BRD3: variants seen among roughly 807,000 people sequenced by gnomAD.
BRD3 encodes bromodomain-containing protein 3.
In BRD3, 17 loss-of-function variants were observed where a neutral mutation model predicts 66.8. The observed-to-expected ratio is 0.25, with a 90% CI of 0.17 to 0.38. The LOEUF (loss-of-function observed/expected upper bound fraction) is 0.38, where lower values mean the gene tolerates loss of function less well. Among genes scored for constraint, BRD3 ranks in the 10% least tolerant of loss-of-function variants. BRD3 has a pLI of 1.00. For missense variants in BRD3, 713 were observed against 956.1 expected, an observed-to-expected ratio of 0.75 and a Z score of 3.35; for synonymous variants, 421 against 393.2, an observed-to-expected ratio of 1.07 and a Z score of -0.84.
In BRD3 at chr9:134,033,473, G is replaced by T; in HGVS notation, c.*117C>A. On this transcript the variant is annotated 3_prime_UTR_variant, in exon 12 of 12. Coordinates refer to ENST00000303407, the MANE Select transcript of BRD3 (RefSeq NM_007371.4). The surrounding 1 kb of genome is among the most constrained non-coding windows in gnomAD (Gnocchi z 5.1). The stretch of plus-strand genomic sequence containing the variant: ...AAAAACTGGAAGATATCATAACACT[G>T]AATTAAGAAGCAGACCTGCACACCA... 1.7e-6 allele frequency: 1 copy of T among 601,220 alleles called. No homozygotes were observed. The highest frequency in any genetic ancestry group is 3.0e-6 in the Non-Finnish European group (1 of 329,676). The allele number at this position is 601,220 out of a possible 1,614,324, so 37.2% of individuals were successfully genotyped here. A position where few individuals can be genotyped will look rare whatever the true frequency, so the allele number is the denominator to read the frequency against.
chr9:134,047,346 G>C (rs1828565932), intron 6 of BRD3, among the ~76,000 whole-genome samples: 1 of 152,222 alleles, frequency 6.6e-6, no homozygotes. Context: ...ACGTCCCTGG[G>C]AGCTGGCTTG....
At chr9:134,056,078 A>G (rs1359130741) in intron 1 of BRD3, 3 of 152,284 alleles carry the variant, frequency 2.0e-5, no homozygotes, top group Admixed American at 6.5e-5. Flanking sequence ...AGCAAGGCAG[A>G]AGGAGGGGCG....
At chr9:134,053,796 A>G in intron 1 of BRD3, 1 of 357,762 alleles carries the variant, frequency 2.8e-6, no homozygotes, top group Non-Finnish European at 5.0e-6. Flanking sequence ...CGACTCTCCA[A>G]CCACTGCTCT....
In BRD3 at chr9:134,040,185, C is replaced by CCTTCTCCTT. The variant is rs760373011; in HGVS notation, c.1483_1491dup (p.Lys495_Lys497dup). On this transcript the variant is annotated inframe_insertion, in exon 9 of 12. Transcript: ENST00000303407. The stretch of plus-strand genomic sequence containing the variant: ...TTCTCCTTGTCCTTCTTCTTCTTCT[C>CCTTCTCCTT]CTTCTCCTTCTTCTCCTTCTTCTTC... 4 of 1,568,180 alleles carry CCTTCTCCTT rather than the reference C, an allele frequency of 2.6e-6. No homozygotes were observed. The highest frequency in any genetic ancestry group is 2.7e-5 in the African/African-American group (2 of 74,000).
chr9:134,060,332 C>G (rs1830510916), intron 1 of BRD3, among the ~76,000 whole-genome samples: 1 of 152,226 alleles, frequency 6.6e-6, no homozygotes, highest in African/African-American at 2.4e-5. Flanking sequence ...CGCAGTGACT[C>G]AGGCCTGTGA....
Position 134,045,197 on chromosome 9 carries a change from C to T in BRD3, c.1215+96G>A, listed in dbSNP as rs961555513. ...GAATGAGGCTCTCTAAGGCCTTCCT[C>T]GGCTGGACATTCACCTGGGCGCTTA... On this transcript the variant is annotated intron_variant, in intron 7 of 11. Coordinates refer to ENST00000303407, the MANE Select transcript of BRD3 (RefSeq NM_007371.4). The surrounding 1 kb of genome is among the most constrained non-coding windows in gnomAD (Gnocchi z 4.8). 5.9e-6 allele frequency: 9 copies of T among 1,518,836 alleles called. No individual in the cohort carries two copies. Among genetic ancestry groups the T allele is most frequent in the South Asian group, 2.4e-5 (2 of 82,240 alleles). The allele number at this position is 1,518,836 out of a possible 1,614,324, so 94.1% of individuals were successfully genotyped here.
chr9:134,052,796 C>T (rs561759057), intron 2 of BRD3, among the ~76,000 whole-genome samples: 1 of 152,334 alleles, frequency 6.6e-6, no homozygotes, highest in African/African-American at 2.4e-5. Flanking sequence ...AGTGCCAGCC[C>T]AGGGATTCCT....
chr9:134,033,844 A>G lies in BRD3; in HGVS notation c.2066-139T>C. 1 of 585,132 alleles carries G rather than the reference A, an allele frequency of 1.7e-6. No homozygotes were observed. The highest frequency in any genetic ancestry group is 3.1e-6 in the Non-Finnish European group (1 of 327,212). 36.2% of individuals were successfully genotyped at this position (585,132 alleles called of 1,614,324 possible). Reference sequence around the variant, plus strand: ...TTCCTGACCCAGTCGTTTAATAAGTATTTATTGAAATTAATCAGGTCAACA... The same window carrying G: ...TTCCTGACCCAGTCGTTTAATAAGTGTTTATTGAAATTAATCAGGTCAACA... On this transcript the variant is annotated intron_variant, in intron 11 of 11. Coordinates refer to ENST00000303407, the MANE Select transcript of BRD3 (RefSeq NM_007371.4). The surrounding 1 kb of genome is among the most constrained non-coding windows in gnomAD (Gnocchi z 5.1).
chr9:134,067,495 T>G (rs1234607718), intron 1 of BRD3, among the ~76,000 whole-genome samples: 7 of 147,444 alleles, frequency 4.7e-5, no homozygotes, highest in Middle Eastern at 3.3e-3. Context: ...GCGCGCACCT[T>G]CCCCCTCCGC....
chr9:134,052,583 A>T (rs1398191715), intron 2 of BRD3, 140 bp from the exon 3 acceptor site: 6 of 933,528 alleles, frequency 6.4e-6, no homozygotes, highest in African/African-American at 1.6e-5. Flanking sequence ...CTCTGAAGGC[A>T]GTGGGCTATG....
chr9:134,034,892 G>A (rs1347725353), intron 10 of BRD3, 63 bp from the exon 11 acceptor site: 2 of 1,598,570 alleles, frequency 1.3e-6, no homozygotes, highest in Non-Finnish European at 1.7e-6. Flanking sequence ...AGCCAGGGCT[G>A]CATCCAGGTG....
intron 1 of BRD3, chr9:134,053,832 G>A (rs893847441): frequency 2.8e-5 from 8 of 281,046 alleles, no homozygotes; most frequent in South Asian, 1.1e-4. Context: ...AGGCCTGGGC[G>A]GTGGAGGGAG....
chr9:134,067,716 A>ACCGCCG (rs574052202), intron 1 of BRD3, among the ~76,000 whole-genome samples: 2 of 142,544 alleles, frequency 1.4e-5, no homozygotes, highest in African/African-American at 2.6e-5. Context: ...AGCCCGCGCC[A>ACCGCCG]CCGCCGCCGC....
At chr9:134,063,038 A>G (rs148448845) in intron 1 of BRD3, among the ~76,000 whole-genome samples, 295 of 152,224 alleles carry the variant, frequency 1.9e-3, no homozygotes, top group Non-Finnish European at 3.3e-3. Flanking sequence ...CAAACTCACA[A>G]AACACCCCGG....
intron 9 of BRD3, among the ~76,000 whole-genome samples, chr9:134,039,665 G>A (rs186080160): frequency 5.9e-4 from 90 of 152,240 alleles, no homozygotes; most frequent in Non-Finnish European, 1.1e-3. Context: ...GAATGCAGCT[G>A]TGCACGATTC....
Position 134,040,889 on chromosome 9 carries a change from C to T in BRD3, c.1408-620G>A, listed in dbSNP as rs376911238. ...GCAGCTGGCATTGTGCCAAGCGCCT[C>T]GCCCTCCCCACTGCAGCCACCTCCA... On this transcript the variant is annotated intron_variant, in intron 8 of 11. Coordinates refer to ENST00000303407, the MANE Select transcript of BRD3 (RefSeq NM_007371.4). 6.2e-4 allele frequency among the ~76,000 whole-genome samples: 95 copies of T among 152,342 alleles called. 1 individual carries two copies. Among genetic ancestry groups the T allele is most frequent in the Middle Eastern group, 6.8e-3 (2 of 294 alleles).
chr9:134,042,766 C>T (rs1050731024), intron 7 of BRD3, among the ~76,000 whole-genome samples: 3 of 138,754 alleles, frequency 2.2e-5, no homozygotes, highest in South Asian at 2.4e-4. Flanking sequence ...CACATATATA[C>T]ACACACACAT....
intron 7 of BRD3, among the ~76,000 whole-genome samples, chr9:134,044,928 C>A (rs898915834): frequency 1.3e-5 from 2 of 152,246 alleles, no homozygotes; most frequent in Non-Finnish European, 2.9e-5. Flanking sequence ...AGTGTCCAAG[C>A]CTCTCCTTGC....
Position 134,032,868 on chromosome 9 carries a change from C to A in BRD3, c.*722G>T. 4.4e-6 allele frequency: 1 copy of A among 227,386 alleles called. No homozygotes were observed. The highest frequency in any genetic ancestry group is 8.2e-6 in the Non-Finnish European group (1 of 121,542). The allele number at this position is 227,386 out of a possible 1,614,324, so 14.1% of individuals were successfully genotyped here. ...TTTTTTTTTTTTTAAATCTTTTCTTCTTTTTTTTTTTTTAAAGTTGAGGTA... is the reference window on the plus strand; with the variant it reads ...TTTTTTTTTTTTTAAATCTTTTCTTATTTTTTTTTTTTTAAAGTTGAGGTA... On this transcript the variant is annotated 3_prime_UTR_variant, in exon 12 of 12. Coordinates refer to ENST00000303407, the MANE Select transcript of BRD3 (RefSeq NM_007371.4).
Sources: allele counts gnomAD v4.1 joint callset (sites outside exome capture counted in the v4.1 genomes callset), GRCh38; gene constraint gnomAD v4.1.1; non-coding constraint Gnocchi (gnomAD v3.1); transcripts MANE v1.5; gene names NCBI Gene and HGNC (gene_info 2026-07-23, HGNC 2026-07-21).